The following NTRK3 variants were observed in gnomAD, a reference collection of about 807,000 sequenced individuals.
The protein encoded by NTRK3 is NT-3 growth factor receptor.
A neutral mutation model predicts 91.7 loss-of-function variants in NTRK3; 24 were observed. The observed-to-expected ratio is 0.26, with a 90% CI of 0.19 to 0.37. The LOEUF is 0.37. Ranked by LOEUF, NTRK3 falls within the 10% of genes least tolerant of loss-of-function variation. The pLI is 1.00. For missense variants in NTRK3, 880 were observed against 1,068.9 expected (o/e 0.82, Z 2.46); for synonymous variants, 483 against 404.0 (o/e 1.20, Z -2.34).
chr15:87,996,292 G>T (rs991489002), intron 14 of NTRK3, among the ~76,000 whole-genome samples: 1 of 152,084 alleles, frequency 6.6e-6, no homozygotes, highest in African/African-American at 2.4e-5. Context: ...TAGCTTAAGA[G>T]TTGTACAGAA....
rs970300662 is a variant in NTRK3, at chr15:87,864,145, C to T, written c.*12790G>A. 2.5e-4 allele frequency: 58 copies of T among 232,746 alleles called. No individual in the cohort carries two copies. In the East Asian group the frequency reaches 3.5e-3, roughly 14 times the overall value. The allele number at this position is 232,746 out of a possible 1,614,324, so 14.4% of individuals were successfully genotyped here. A position where few individuals can be genotyped will look rare whatever the true frequency, so the allele number is the denominator to read the frequency against. ...ACATTCAGAGTGAGAATTTTCTTGC[C>T]CCAACTTGCTTTCCTTTCATTTTAA... On this transcript the variant is annotated 3_prime_UTR_variant, in exon 19 of 19. Transcript: ENST00000394480.
intron 14 of NTRK3, among the ~76,000 whole-genome samples, chr15:87,941,650 A>G (rs538673963): frequency 3.3e-5 from 5 of 152,346 alleles, no homozygotes; most frequent in South Asian, 4.1e-4. Flanking sequence ...GACCAATGAG[A>G]TCACAAAAGG....
At chr15:88,057,421 C>G (rs1329370322) in intron 13 of NTRK3, among the ~76,000 whole-genome samples, 1 of 151,602 alleles carries the variant, frequency 6.6e-6, no homozygotes, top group Non-Finnish European at 1.5e-5. Context: ...ACGCTGGAAT[C>G]TGGGAGGTGG....
At chr15:87,970,787 A>T (rs546770083) in intron 14 of NTRK3, among the ~76,000 whole-genome samples, 1 of 152,304 alleles carries the variant, frequency 6.6e-6, no homozygotes, top group East Asian at 1.9e-4. Context: ...TCCTTACAAC[A>T]TCATTTGTCT....
chr15:88,072,516 T>C (rs977359015), intron 13 of NTRK3: 2 of 232,126 alleles, frequency 8.6e-6, no homozygotes, highest in East Asian at 6.1e-5. Context: ...TTCTTTCCGT[T>C]GTTGTTTTTC....
chr15:87,927,835 C>A (rs2068453089), intron 17 of NTRK3: 1 of 152,164 alleles, frequency 6.6e-6, no homozygotes, highest in Non-Finnish European at 1.5e-5. Context: ...TTTTTTGTAA[C>A]CTATCCCATC....
At chr15:87,943,664 G>A (rs1266218871) in intron 14 of NTRK3, among the ~76,000 whole-genome samples, 1 of 152,014 alleles carries the variant, frequency 6.6e-6, no homozygotes. Context: ...TCACATCTTG[G>A]AATCCATCCT....
intron 13 of NTRK3, among the ~76,000 whole-genome samples, chr15:88,079,234 A>G (rs1029157064): frequency 6.6e-6 from 1 of 152,192 alleles, no homozygotes; most frequent in Non-Finnish European, 1.5e-5. Flanking sequence ...CTGGGATTAG[A>G]TGTGAAGTAA....
intron 17 of NTRK3, among the ~76,000 whole-genome samples, chr15:87,909,491 A>G (rs1177676680): frequency 6.6e-6 from 1 of 152,180 alleles, no homozygotes; most frequent in Non-Finnish European, 1.5e-5. Context: ...TGAGGCTGAA[A>G]AGACCATCCA....
intron 3 of NTRK3, among the ~76,000 whole-genome samples, chr15:88,250,187 G>A (rs1194829799): frequency 6.6e-6 from 1 of 152,116 alleles, no homozygotes; most frequent in Admixed American, 6.5e-5. Context: ...AAAGGGCCAC[G>A]CCCAAGAAAG....
chr15:88,215,423 C>T (rs956918958), intron 3 of NTRK3, among the ~76,000 whole-genome samples: 1 of 152,204 alleles, frequency 6.6e-6, no homozygotes, highest in South Asian at 2.1e-4. Flanking sequence ...TTCATTCCAG[C>T]GTTACATCTC....
At chr15:87,886,697 T>TATAC (rs1555429907) in intron 17 of NTRK3, among the ~76,000 whole-genome samples, 40 of 135,734 alleles carry the variant, frequency 2.9e-4, no homozygotes, top group African/African-American at 6.6e-4. Flanking sequence ...TATATATATA[T>TATAC]ATACATATAT....
rs536452377 is a variant in NTRK3, at chr15:87,959,520, A to G, written c.1586-18767T>C. Among the ~76,000 whole-genome samples the G allele has an allele frequency of 3.3e-5, 5 of 152,334 alleles. No individual in the cohort carries two copies. The South Asian group carries it at 1.0e-3, about 32-fold the overall frequency. On this transcript the variant is annotated intron_variant, in intron 14 of 18. Transcript: ENST00000394480. ...AGTTATTAAATCAGGGCAGTGCCCA[A>G]CAGGACATCAATCACAGCTCTGAGT...
intron 17 of NTRK3, among the ~76,000 whole-genome samples, chr15:87,906,273 T>C (rs1334113285): frequency 6.6e-6 from 1 of 152,236 alleles, no homozygotes; most frequent in Non-Finnish European, 1.5e-5. Context: ...TCAAAGCCCC[T>C]ATCAAGGTGC....
exon 19 of NTRK3, chr15:87,876,730 T>C: frequency 2.7e-6 from 1 of 375,400 alleles, no homozygotes; most frequent in South Asian, 3.0e-5. Flanking sequence ...TATATATATA[T>C]ATATATATTT....
At chr15:88,101,182 C>G (rs1001152066) in intron 13 of NTRK3, among the ~76,000 whole-genome samples, 1 of 152,160 alleles carries the variant, frequency 6.6e-6, no homozygotes, top group African/African-American at 2.4e-5. Context: ...AAAAAACAAA[C>G]AACCCCATCA....
intron 13 of NTRK3, among the ~76,000 whole-genome samples, chr15:88,034,459 C>T (rs2078891395): frequency 6.6e-6 from 1 of 152,164 alleles, no homozygotes; most frequent in Non-Finnish European, 1.5e-5. Flanking sequence ...GTGGTTCTCC[C>T]ATACATACAA....
intron 17 of NTRK3, among the ~76,000 whole-genome samples, chr15:87,895,890 C>T (rs142974550): frequency 1.3e-3 from 198 of 151,576 alleles, no homozygotes; most frequent in African/African-American, 4.5e-3. Flanking sequence ...ACATTCCTTC[C>T]CATTGATCCA....
At chr15:88,057,485 G>A (rs1324834405) in intron 13 of NTRK3, among the ~76,000 whole-genome samples, 5 of 150,072 alleles carry the variant, frequency 3.3e-5, no homozygotes, top group African/African-American at 9.8e-5. Flanking sequence ...GAGACAGAGC[G>A]AGACTCCCTC....
Sources: gnomAD v4.1 joint callset for allele counts (sites outside exome capture counted in the v4.1 genomes callset) on GRCh38, gnomAD v4.1.1 for gene constraint, MANE v1.5 for transcripts, NCBI Gene and HGNC (gene_info 2026-07-23, HGNC 2026-07-21) for gene names.